ELF2: variants seen among roughly 807,000 people sequenced by gnomAD.
ELF2 encodes E74 like ETS transcription factor 2, also known as ETS-related transcription factor Elf-2.
A neutral mutation model predicts 54.8 loss-of-function variants in ELF2; 11 were observed. That is an observed-to-expected ratio of 0.20 (90% CI 0.13 to 0.33). ELF2 has a LOEUF of 0.33. Among genes scored for constraint, ELF2 ranks in the 10% least tolerant of loss-of-function variants. The pLI is 1.00. For synonymous variants in ELF2, 203 were observed against 245.1 expected (o/e 0.83, Z 1.61); for missense variants, 513 against 703.0 (o/e 0.73, Z 3.06).
At chr4:139,096,624 GC>G (rs911581695) in intron 4 of ELF2, among the ~76,000 whole-genome samples, 2 of 135,710 alleles carry the variant, frequency 1.5e-5, no homozygotes, top group Admixed American at 7.4e-5. Flanking sequence ...ACCATACCAA[GC>G]TTTTTTTTTT....
intron 7 of ELF2, among the ~76,000 whole-genome samples, chr4:139,062,315 C>T (rs544683522): frequency 1.7e-4 from 26 of 152,232 alleles, no homozygotes; most frequent in Middle Eastern, 3.4e-3. Context: ...GGATTACAGG[C>T]ACATTCCACC....
chr4:139,133,275 C>T (rs1737739605), intron 3 of ELF2, among the ~76,000 whole-genome samples: 1 of 152,132 alleles, frequency 6.6e-6, no homozygotes, highest in Non-Finnish European at 1.5e-5. Context: ...CTTATCCTTT[C>T]CAACATGTGG....
At chr4:139,077,023 C>T (rs1307047917) in intron 4 of ELF2, among the ~76,000 whole-genome samples, 2 of 152,088 alleles carry the variant, frequency 1.3e-5, no homozygotes, top group East Asian at 3.8e-4. Flanking sequence ...TAATACTCTA[C>T]GTACAACTGA....
intron 8 of ELF2, among the ~76,000 whole-genome samples, chr4:139,061,155 T>A (rs2148661387): frequency 6.6e-6 from 1 of 152,054 alleles, no homozygotes; most frequent in South Asian, 2.1e-4. Flanking sequence ...TGAAAGAATT[T>A]TGTGGGTTTA....
intron 1 of ELF2, among the ~76,000 whole-genome samples, chr4:139,174,917 C>A (rs539788259): frequency 6.6e-6 from 1 of 152,344 alleles, no homozygotes; most frequent in South Asian, 2.1e-4. Flanking sequence ...CTGCACCCAG[C>A]AACTATGCCA....
intron 4 of ELF2, among the ~76,000 whole-genome samples, chr4:139,093,193 CT>C (rs1732870243): frequency 6.6e-6 from 1 of 151,932 alleles, no homozygotes; most frequent in African/African-American, 2.4e-5. Flanking sequence ...TTTCGATCTC[CT>C]GACCTCGTGA....
Position 139,125,182 on chromosome 4 carries a change from T to A in ELF2, c.220A>T (p.Thr74Ser), listed in dbSNP as rs1307473798. Reference sequence around the variant, plus strand: ...TGTCTACCTGTTTCCACATTCTCGGTCTCAACTTCTTGTTCTTCTGCCACA... The same window carrying A: ...TGTCTACCTGTTTCCACATTCTCGGACTCAACTTCTTGTTCTTCTGCCACA... ...QDVAEEQEVE[T>S]ENVETVEASV... Residue 74 changes from threonine to serine, a missense_variant, in exon 4 of 10, where the codon ACC (threonine) becomes TCC (serine). By Grantham distance (58) the Thr-to-Ser change is moderately conservative. Coordinates refer to ENST00000686138, the MANE Select transcript of ELF2 (RefSeq NM_001331036.3). The A allele has an allele frequency of 5.6e-6, 9 of 1,609,774 alleles. No individual in the cohort carries two copies. The highest frequency in any genetic ancestry group is 7.6e-6 in the Non-Finnish European group (9 of 1,178,994).
intron 4 of ELF2, among the ~76,000 whole-genome samples, chr4:139,083,496 A>C (rs1294897935): frequency 6.6e-6 from 1 of 152,134 alleles, no homozygotes; most frequent in Admixed American, 6.5e-5. Context: ...CCTGTCCAGG[A>C]CCGTTACTCC....
At chr4:139,144,790 G>A (rs1006346074) in intron 1 of ELF2, among the ~76,000 whole-genome samples, 14 of 152,196 alleles carry the variant, frequency 9.2e-5, no homozygotes, top group South Asian at 2.1e-4. Context: ...CATTACCCCA[G>A]TGGCCAGGGA....
At chr4:139,169,857 TAAAA>T (rs3041235) in intron 1 of ELF2, among the ~76,000 whole-genome samples, 1 of 129,116 alleles carries the variant, frequency 7.7e-6, no homozygotes, top group South Asian at 2.4e-4. Context: ...ACTCTTGTCT[TAAAA>T]AAAAAAAAAA....
chr4:139,130,846 T>G (rs1737417399), intron 3 of ELF2, among the ~76,000 whole-genome samples: 1 of 152,230 alleles, frequency 6.6e-6, no homozygotes, highest in Non-Finnish European at 1.5e-5. Context: ...AGTTCAACAT[T>G]TGCTCATCTA....
chr4:139,100,434 G>T (rs1258000241), intron 4 of ELF2: 1 of 152,262 alleles, frequency 6.6e-6, no homozygotes, highest in Non-Finnish European at 1.5e-5. Context: ...GAGGCAGAAG[G>T]ATCGCCTGAG....
At position 139,078,126 on chromosome 4, in the gene ELF2, C is replaced by T. The variant is rs73852764; in HGVS notation, c.239-4559G>A. Reference sequence around the variant, plus strand: ...TACTGAAGACTATTCCAGACTCACTCAACAGCTGTTACAAAATACCAAACT... The same window carrying T: ...TACTGAAGACTATTCCAGACTCACTTAACAGCTGTTACAAAATACCAAACT... On this transcript the variant is annotated intron_variant, in intron 4 of 9. Transcript: ENST00000686138. 5.5e-3 allele frequency among the ~76,000 whole-genome samples: 843 copies of T among 152,258 alleles called. 9 individuals carry two copies. Among genetic ancestry groups the T allele is most frequent in the African/African-American group, 0.019 (795 of 41,546 alleles).
Position 139,083,991 on chromosome 4 carries a change from C to A in ELF2, c.239-10424G>T, listed in dbSNP as rs1334850408. The A allele has an allele frequency of 3.6e-6, 5 of 1,393,824 alleles. No individual in the cohort carries two copies. In the East Asian group the frequency reaches 9.8e-5, roughly 27 times the overall value. 86.3% of individuals were successfully genotyped at this position (1,393,824 alleles called of 1,614,324 possible). On this transcript the variant is annotated intron_variant, in intron 4 of 9. Coordinates refer to ENST00000686138, the MANE Select transcript of ELF2 (RefSeq NM_001331036.3). The stretch of plus-strand genomic sequence containing the variant: ...TCGCCTCCATTACTTCATTCACTCC[C>A]CCCTTTCCCCCAGCCGCCCCAGTGA...
chr4:139,166,634 C>T (rs1220320953), intron 1 of ELF2, among the ~76,000 whole-genome samples: 7 of 151,960 alleles, frequency 4.6e-5, no homozygotes, highest in African/African-American at 9.7e-5. Context: ...TTTGGGAGGC[C>T]GAGGTGGGCG....
chr4:139,093,969 G>A (rs1246982560), intron 4 of ELF2, among the ~76,000 whole-genome samples: 1 of 139,882 alleles, frequency 7.1e-6, no homozygotes, highest in African/African-American at 2.7e-5. Context: ...CGTGATCTCC[G>A]CTCACTGCAA....
At chr4:139,125,406 T>TA in intron 3 of ELF2, 77 bp from the exon 4 acceptor site, 2 of 1,542,854 alleles carry the variant, frequency 1.3e-6, no homozygotes, top group Non-Finnish European at 1.8e-6. Context: ...CTTGAACTAA[T>TA]ACAGTCTCGA....
chr4:139,074,759 C>CAA (rs397957583), intron 4 of ELF2, among the ~76,000 whole-genome samples: 2,685 of 92,624 alleles, frequency 0.029, 67 homozygotes, highest in East Asian at 0.13. Context: ...GACACTGTCT[C>CAA]AAAAAAAAAA....
chr4:139,086,515 TAATA>T (rs1459047030), intron 4 of ELF2, among the ~76,000 whole-genome samples: 2 of 152,238 alleles, frequency 1.3e-5, no homozygotes, highest in African/African-American at 2.4e-5. Flanking sequence ...CTGATTTATT[TAATA>T]GTCAGGTTTT....
Sources: allele counts gnomAD v4.1 joint callset (sites outside exome capture counted in the v4.1 genomes callset), GRCh38; gene constraint gnomAD v4.1.1; transcripts MANE v1.5; gene names NCBI Gene and HGNC (gene_info 2026-07-23, HGNC 2026-07-21).